The following CARM1 variants were observed in gnomAD, a reference collection of about 807,000 sequenced individuals.
CARM1 encodes the protein histone-arginine methyltransferase CARM1.
A neutral mutation model predicts 72.7 loss-of-function variants in CARM1; 14 were observed. The ratio of observed to expected loss-of-function variants is 0.19; its 90% CI spans 0.13 to 0.30. The LOEUF (loss-of-function observed/expected upper bound fraction) is 0.30. CARM1 is among the 10% of genes least tolerant of loss of function. CARM1 has a pLI of 1.00. For synonymous variants in CARM1, 333 were observed against 345.5 expected, an observed-to-expected ratio of 0.96 and a Z score of 0.40; for missense variants, 432 against 833.7, an observed-to-expected ratio of 0.52 and a Z score of 5.93.
chr19:10,904,320 C>G (rs1475182491), intron 1 of CARM1, among the ~76,000 whole-genome samples: 1 of 152,248 alleles, frequency 6.6e-6, no homozygotes, highest in Non-Finnish European at 1.5e-5. Flanking sequence ...CTGGCCCGTT[C>G]CTGGCATCGC....
chr19:10,913,321 G>T (rs531748598), intron 5 of CARM1, among the ~76,000 whole-genome samples: 184 of 152,178 alleles, frequency 1.2e-3, no homozygotes, highest in Non-Finnish European at 2.0e-3. Context: ...CACTTTGGGA[G>T]GCTTAGGTGG....
At chr19:10,897,863 T>C (rs1385555737) in intron 1 of CARM1, among the ~76,000 whole-genome samples, 1 of 151,878 alleles carries the variant, frequency 6.6e-6, no homozygotes, top group Non-Finnish European at 1.5e-5. Context: ...CCCAGCACTT[T>C]GGGAGGCTGA....
In CARM1 at chr19:10,912,352, C is replaced by T; in HGVS notation, c.669+58C>T. 8 of 1,321,474 alleles carry T rather than the reference C, an allele frequency of 6.1e-6. No individual in the cohort carries two copies. Among genetic ancestry groups the T allele is most frequent in the Non-Finnish European group, 6.5e-6 (6 of 918,330 alleles). The allele number at this position is 1,321,474 out of a possible 1,614,324, so 81.9% of individuals were successfully genotyped here. On this transcript the variant is annotated intron_variant, in intron 5 of 15. Coordinates refer to ENST00000327064, the MANE Select transcript of CARM1 (RefSeq NM_199141.2). This position sits in a 1 kb window ranked among gnomAD's most constrained non-coding sequence, Gnocchi z 4.5. ...TCCTCGCCCATGAGTGCCATGCCGG[C>T]CCCAGCCTAGAGAAGCTTGGGAACC...
Position 10,920,055 on chromosome 19 carries a change from T to G in CARM1, c.1196+89T>G. On this transcript the variant is annotated intron_variant, in intron 10 of 15. Transcript: ENST00000327064. This position sits in a 1 kb window ranked among gnomAD's most constrained non-coding sequence, Gnocchi z 5.3. ...CCTGGCTGGGGGGGTGGAACATGGC[T>G]CCAGGTTCCACCATCCCTTCCAATG... 6 of 983,282 alleles carry G rather than the reference T, an allele frequency of 6.1e-6. No individual in the cohort carries two copies. Among genetic ancestry groups the G allele is most frequent in the African/African-American group, 1.6e-5 (1 of 63,308 alleles). 60.9% of individuals were successfully genotyped at this position (983,282 alleles called of 1,614,324 possible). A position where few individuals can be genotyped will look rare whatever the true frequency, so the allele number is the denominator to read the frequency against.
chr19:10,921,184 G>T, intron 14 of CARM1, 57 bp downstream of exon 14: 1 of 1,549,928 alleles, frequency 6.5e-7, no homozygotes, highest in East Asian at 2.3e-5. Flanking sequence ...CTGCCCAGGG[G>T]CCGGGAAGGG....
At position 10,896,507 on chromosome 19, in the gene CARM1, C is replaced by T. The variant is rs551862113; in HGVS notation, c.221-8444C>T. Reference sequence around the variant, plus strand: ...TTCCCTATCCTGTGTGACGGTGGGTCTCTCCCCACCCTGCGCAAGATCCCT... The same window carrying T: ...TTCCCTATCCTGTGTGACGGTGGGTTTCTCCCCACCCTGCGCAAGATCCCT... On this transcript the variant is annotated intron_variant, in intron 1 of 15. Transcript: ENST00000327064. This position sits in a 1 kb window ranked among gnomAD's most constrained non-coding sequence, Gnocchi z 5.2. 6.6e-6 allele frequency among the ~76,000 whole-genome samples: 1 copy of T among 152,126 alleles called. No individual in the cohort carries two copies. Among genetic ancestry groups the T allele is most frequent in the Admixed American group, 6.5e-5 (1 of 15,274 alleles).
chr19:10,911,297 C>T (rs928970315), intron 4 of CARM1, among the ~76,000 whole-genome samples: 3 of 152,162 alleles, frequency 2.0e-5, no homozygotes, highest in African/African-American at 4.8e-5. Flanking sequence ...GCCTGGGTCA[C>T]GCCCCCCTAG....
In CARM1 at chr19:10,871,783, T is replaced by C; in HGVS notation, c.81T>C (p.Ala27=). 4.2e-6 allele frequency: 5 copies of C among 1,193,612 alleles called. No homozygotes were observed. Among genetic ancestry groups the C allele is most frequent in the South Asian group, 2.8e-5 (1 of 35,332 alleles). The allele number at this position is 1,193,612 out of a possible 1,614,324, so 73.9% of individuals were successfully genotyped here. ...SAVPGGAGPC[A]TVSVFPGARL... ...TCCCGGGCGGCGCGGGGCCCTGCGC[T>C]ACCGTGTCGGTGTTCCCCGGCGCCC... The change falls in exon 1 of 16, where the codon GCT becomes GCC. Residue 27 remains alanine, a synonymous_variant. Transcript: ENST00000327064. This position sits in a 1 kb window ranked among gnomAD's most constrained non-coding sequence, Gnocchi z 5.6.
Position 10,909,224 on chromosome 19 carries a change from T to G in CARM1, c.558+17T>G. On this transcript the variant is annotated intron_variant, in intron 4 of 15. Coordinates refer to ENST00000327064, the MANE Select transcript of CARM1 (RefSeq NM_199141.2). ...AAGGACAAGGTGAGTGGCCCGCGCA[T>G]GTGCCCACCTCTCTGCTTCTGTCTC... 1 of 1,494,376 alleles carries G rather than the reference T, an allele frequency of 6.7e-7. No individual in the cohort carries two copies. Among genetic ancestry groups the G allele is most frequent in the Non-Finnish European group, 9.3e-7 (1 of 1,072,178 alleles). 92.6% of individuals were successfully genotyped at this position (1,494,376 alleles called of 1,614,324 possible). A position where few individuals can be genotyped will look rare whatever the true frequency, so the allele number is the denominator to read the frequency against.
chr19:10,886,299 A>G (rs951139987), intron 1 of CARM1, among the ~76,000 whole-genome samples: 2 of 148,528 alleles, frequency 1.3e-5, no homozygotes, highest in South Asian at 4.2e-4. Context: ...CAGGTGATCC[A>G]CCCGCCTCAG....
chr19:10,917,258 G>A (rs1021838232), intron 8 of CARM1, among the ~76,000 whole-genome samples: 3 of 152,084 alleles, frequency 2.0e-5, no homozygotes, highest in South Asian at 2.1e-4. Flanking sequence ...AGGCCAAGGC[G>A]GGCAGATCAC....
At chr19:10,884,223 C>G (rs1047781327) in intron 1 of CARM1, among the ~76,000 whole-genome samples, 3 of 151,188 alleles carry the variant, frequency 2.0e-5, no homozygotes, top group Non-Finnish European at 4.4e-5. Context: ...TGCCTGTAAT[C>G]CCAGTTACTC....
At chr19:10,887,120 G>C (rs1037094621) in intron 1 of CARM1, among the ~76,000 whole-genome samples, 2 of 152,214 alleles carry the variant, frequency 1.3e-5, no homozygotes, top group African/African-American at 4.8e-5. Context: ...ACCCAGGTTT[G>C]GCCCTGATCC....
At chr19:10,892,618 G>T (rs555396471) in intron 1 of CARM1, among the ~76,000 whole-genome samples, 1 of 152,212 alleles carries the variant, frequency 6.6e-6, no homozygotes, top group Non-Finnish European at 1.5e-5. Context: ...TGCTGATGAT[G>T]GTAACAGCAG....
Position 10,920,240 on chromosome 19 carries a change from G to A in CARM1, c.1197-196G>A, listed in dbSNP as rs180924329. On this transcript the variant is annotated intron_variant, in intron 10 of 15. Transcript: ENST00000327064. The surrounding 1 kb of genome is among the most constrained non-coding windows in gnomAD (Gnocchi z 5.3). ...GGGTGAGTAGGGATCTCGTGGTTGC[G>A]GGCCCCTCGTGTGTACATGTATGCC... is the stretch of plus-strand genomic sequence containing the variant. 1.3e-4 allele frequency among the ~76,000 whole-genome samples: 20 copies of A among 152,132 alleles called. No homozygotes were observed. Among genetic ancestry groups the A allele is most frequent in the Non-Finnish European group, 2.2e-4 (15 of 67,986 alleles).
At position 10,920,079 on chromosome 19, in the gene CARM1, T is replaced by G; in HGVS notation, c.1196+113T>G. ...CTCCAGGTTCCACCATCCCTTCCAA[T>G]GGGAGTGAGAGCCTGTCTCGGAGCA... is the stretch of plus-strand genomic sequence containing the variant. On this transcript the variant is annotated intron_variant, in intron 10 of 15. Transcript: ENST00000327064. This position sits in a 1 kb window ranked among gnomAD's most constrained non-coding sequence, Gnocchi z 5.3. 1 of 811,218 alleles carries G rather than the reference T, an allele frequency of 1.2e-6. No individual in the cohort carries two copies. The highest frequency in any genetic ancestry group is 2.1e-6 in the Non-Finnish European group (1 of 480,342). The allele number at this position is 811,218 out of a possible 1,614,324, so 50.3% of individuals were successfully genotyped here.
chr19:10,874,056 C>T (rs1166087452), intron 1 of CARM1, among the ~76,000 whole-genome samples: 1 of 152,178 alleles, frequency 6.6e-6, no homozygotes, highest in African/African-American at 2.4e-5. Flanking sequence ...TGTTGATACT[C>T]TTGAAAGTAT....
chr19:10,873,637 T>G (rs1177932631), intron 1 of CARM1, among the ~76,000 whole-genome samples: 26 of 118,408 alleles, frequency 2.2e-4, no homozygotes, highest in African/African-American at 7.3e-4. Flanking sequence ...TTTTTTTTTT[T>G]TTTTTTTTTT....
Position 10,916,787 on chromosome 19 carries a change from G to T in CARM1, c.1020+10G>T, listed in dbSNP as rs1216755052. On this transcript the variant is annotated intron_variant, in intron 8 of 15. Transcript: ENST00000327064. This position sits in a 1 kb window ranked among gnomAD's most constrained non-coding sequence, Gnocchi z 4.4. ...CCGGCAGCCTGTGGTGGTGAGTAGG[G>T]CCTCCAGGGTACTGCTGCAGTGATC... is the stretch of plus-strand genomic sequence containing the variant. The T allele has an allele frequency of 6.5e-7, 1 of 1,541,392 alleles. No individual in the cohort carries two copies. The highest frequency in any genetic ancestry group is 1.4e-5 in the African/African-American group (1 of 72,998).
Sources: gnomAD v4.1 joint callset for allele counts (sites outside exome capture counted in the v4.1 genomes callset) on GRCh38, gnomAD v4.1.1 for gene constraint, Gnocchi (gnomAD v3.1) non-coding constraint, MANE v1.5 for transcripts, NCBI Gene and HGNC (gene_info 2026-07-23, HGNC 2026-07-21) for gene names.